ZMYND11: variants seen among roughly 807,000 people sequenced by gnomAD.
ZMYND11 encodes the protein zinc finger MYND-type containing 11, also known as zinc finger MYND domain-containing protein 11.
In ZMYND11, 9 loss-of-function variants were observed where a neutral mutation model predicts 84.9. The ratio of observed to expected loss-of-function variants is 0.11; its 90% confidence interval spans 0.06 to 0.18. ZMYND11 has a LOEUF of 0.18. Among genes scored for constraint, ZMYND11 ranks in the 10% least tolerant of loss-of-function variants. The pLI, the probability that ZMYND11 is intolerant of heterozygous loss-of-function variation, is 1.00. For missense variants in ZMYND11, 409 were observed against 761.0 expected (o/e 0.54, Z 5.44); for synonymous variants, 250 against 244.1 (o/e 1.02, Z -0.23).
intron 1 of ZMYND11, among the ~76,000 whole-genome samples, chr10:149,708 A>G (rs1554756429): frequency 1.3e-5 from 2 of 152,222 alleles, no homozygotes; most frequent in African/African-American, 4.8e-5. Flanking sequence ...CTAATTTTAT[A>G]CTTTATCCAG....
upstream of ZMYND11, among the ~76,000 whole-genome samples, chr10:132,718 C>G (rs1242924070): frequency 6.6e-6 from 1 of 152,182 alleles, no homozygotes; most frequent in Non-Finnish European, 1.5e-5. Flanking sequence ...CTTACACACA[C>G]TATACTGTCC....
At chr10:158,991 G>GTTTTTTTTTTTT in intron 1 of ZMYND11, among the ~76,000 whole-genome samples, 1 of 58,608 alleles carries the variant, frequency 1.7e-5, no homozygotes, top group Non-Finnish European at 3.3e-5. Context: ...TTTGTTTTTT[G>GTTTTTTTTTTTT]TTTTTTTTTT....
intron 10 of ZMYND11, among the ~76,000 whole-genome samples, chr10:242,844 G>GGTTTC (rs1321256998): frequency 1.9e-4 from 29 of 152,228 alleles, no homozygotes; most frequent in African/African-American, 7.0e-4. Context: ...CAGAAGTGTA[G>GGTTTC]TTATAAGAAA....
rs1161113674 is a variant in ZMYND11 at position 179,983 on chromosome 10, T to C, written c.-19-11T>C. ...TGTTTTTTTCCCTTATGTTTTTGTTTATTACTGCAGCTAAAGAAGTAAACA... is the reference window on the plus strand; with the variant it reads ...TGTTTTTTTCCCTTATGTTTTTGTTCATTACTGCAGCTAAAGAAGTAAACA... On this transcript the variant is annotated splice_polypyrimidine_tract_variant and intron_variant, in intron 1 of 14. Transcript: ENST00000381604. 1 of 1,535,392 alleles carries C rather than the reference T, an allele frequency of 6.5e-7. No homozygotes were observed.
intron 1 of ZMYND11, among the ~76,000 whole-genome samples, chr10:151,312 C>T (rs1468097409): frequency 6.6e-6 from 1 of 152,122 alleles, no homozygotes; most frequent in Non-Finnish European, 1.5e-5. Flanking sequence ...AGCTAAAAAC[C>T]TTGAAAAAAG....
intron 1 of ZMYND11, among the ~76,000 whole-genome samples, chr10:152,275 T>C (rs1481143306): frequency 6.6e-6 from 1 of 152,164 alleles, no homozygotes; most frequent in African/African-American, 2.4e-5. Flanking sequence ...ACTGGCAAAT[T>C]GGATAAAGAG....
rs1953741188 is a variant in ZMYND11 at position 252,688 on chromosome 10, T to G, written c.*218T>G. On this transcript the variant is annotated 3_prime_UTR_variant, in exon 15 of 15. Transcript: ENST00000381604. The surrounding 1 kb of genome is among the most constrained non-coding windows in gnomAD (Gnocchi z 4.6). ...GTAACATCAGTGGAGGGTATTATTT[T>G]AAATAAATTTTAATTGAGAATTTGT... 5.0e-6 allele frequency: 2 copies of G among 397,726 alleles called. No individual in the cohort carries two copies. 24.6% of individuals were successfully genotyped at this position (397,726 alleles called of 1,614,324 possible).
At chr10:167,513 A>G (rs1844286327) in intron 1 of ZMYND11, among the ~76,000 whole-genome samples, 1 of 152,204 alleles carries the variant, frequency 6.6e-6, no homozygotes. Flanking sequence ...AGAGTTCATA[A>G]TGACCTGTTT....
chr10:216,817 T>C (rs754811123), intron 3 of ZMYND11, among the ~76,000 whole-genome samples: 3 of 152,178 alleles, frequency 2.0e-5, no homozygotes, highest in Admixed American at 6.5e-5. Flanking sequence ...GTTTGTTTTT[T>C]CTTTTTCCTT....
At chr10:245,160 T>G (rs1256215914) in intron 10 of ZMYND11, among the ~76,000 whole-genome samples, 1 of 152,234 alleles carries the variant, frequency 6.6e-6, no homozygotes, top group South Asian at 2.1e-4. Context: ...TCAGTTTACT[T>G]TGATATGGTT....
chr10:241,612 A>G (rs558169097), intron 9 of ZMYND11, among the ~76,000 whole-genome samples: 99 of 152,394 alleles, frequency 6.5e-4, no homozygotes, highest in Non-Finnish European at 1.2e-3. Flanking sequence ...GACAAAGGGA[A>G]TTCTGAGCAT....
intron 2 of ZMYND11, among the ~76,000 whole-genome samples, chr10:203,422 A>G (rs2131150622): frequency 6.6e-6 from 1 of 152,352 alleles, no homozygotes; most frequent in East Asian, 1.9e-4. Flanking sequence ...GATACAAATT[A>G]TAAAACCATA....
intron 6 of ZMYND11, among the ~76,000 whole-genome samples, chr10:238,703 TATAAG>T (rs1398719533): frequency 6.6e-6 from 1 of 152,156 alleles, no homozygotes; most frequent in Non-Finnish European, 1.5e-5. Context: ...ATTATTTCAA[TATAAG>T]ATAAGGGTAA....
intron 1 of ZMYND11, among the ~76,000 whole-genome samples, chr10:142,430 C>T (rs1483712790): frequency 6.6e-6 from 1 of 152,136 alleles, no homozygotes; most frequent in African/African-American, 2.4e-5. Context: ...ATCTCACATA[C>T]TAGGCAATTC....
At chr10:164,297 G>T (rs1843523609) in intron 1 of ZMYND11, among the ~76,000 whole-genome samples, 1 of 152,046 alleles carries the variant, frequency 6.6e-6, no homozygotes, top group African/African-American at 2.4e-5. Flanking sequence ...TGCATGGCTA[G>T]CTCTCTTTCA....
chr10:170,154 A>G (rs1844950009), intron 1 of ZMYND11, among the ~76,000 whole-genome samples: 2 of 152,044 alleles, frequency 1.3e-5, no homozygotes. Flanking sequence ...AACCCCACCA[A>G]CCTAGGATTC....
chr10:248,786 CATGTA>C, intron 13 of ZMYND11, 112 bp from the exon 14 acceptor site: 50 of 1,420,990 alleles, frequency 3.5e-5, no homozygotes, highest in Non-Finnish European at 4.4e-5. Flanking sequence ...ATTTTTTACA[CATGTA>C]ATGAAGGGGA....
intron 1 of ZMYND11, among the ~76,000 whole-genome samples, chr10:150,898 C>T (rs781921789): frequency 6.6e-6 from 1 of 152,208 alleles, no homozygotes; most frequent in African/African-American, 2.4e-5. Context: ...TCTAGAGGAA[C>T]GATCAGGCAG....
chr10:236,765 A>T, intron 4 of ZMYND11, 73 bp from the exon 5 acceptor site: 5 of 1,304,094 alleles, frequency 3.8e-6, no homozygotes, highest in Non-Finnish European at 4.3e-6. Flanking sequence ...TGTTTCATAT[A>T]TGTCTTTTAC....
Sources: gnomAD v4.1 joint callset for allele counts (sites outside exome capture counted in the v4.1 genomes callset) on GRCh38, gnomAD v4.1.1 for gene constraint, Gnocchi (gnomAD v3.1) non-coding constraint, MANE v1.5 for transcripts, NCBI Gene and HGNC (gene_info 2026-07-23, HGNC 2026-07-21) for gene names.